Variants in SLC35F3 observed in about 807,000 individuals in gnomAD.
SLC35F3 encodes solute carrier family 35 member F3.
Under a neutral mutation model 49.9 loss-of-function variants are expected in SLC35F3, and 25 were observed. The ratio of observed to expected loss-of-function variants is 0.50; its 90% CI spans 0.37 to 0.70. The LOEUF (loss-of-function observed/expected upper bound fraction) is 0.70. Ranked by LOEUF, SLC35F3 falls within the 30% of genes least tolerant of loss-of-function variation. The pLI, the probability that SLC35F3 is intolerant of heterozygous loss-of-function variation, is 0.00. For synonymous variants in SLC35F3, 275 were observed against 265.4 expected, an observed-to-expected ratio of 1.04 and a Z score of -0.35; for missense variants, 525 against 639.8, an observed-to-expected ratio of 0.82 and a Z score of 1.94.
At chr1:233,930,095 G>C (rs1662218337) in intron 2 of SLC35F3, among the ~76,000 whole-genome samples, 1 of 151,812 alleles carries the variant, frequency 6.6e-6, no homozygotes, top group East Asian at 1.9e-4. Flanking sequence ...GCCATGATGA[G>C]CTATGATTCT....
intron 2 of SLC35F3, among the ~76,000 whole-genome samples, chr1:234,068,255 G>A (rs1664650194): frequency 6.6e-6 from 1 of 152,154 alleles, no homozygotes; most frequent in Non-Finnish European, 1.5e-5. Flanking sequence ...AAAATTCCAC[G>A]CACCTCAAAC....
chr1:234,194,845 A>G (rs771286537), intron 2 of SLC35F3, among the ~76,000 whole-genome samples: 3 of 151,764 alleles, frequency 2.0e-5, no homozygotes, highest in Non-Finnish European at 2.9e-5. Flanking sequence ...TTTTTAACCC[A>G]TGTTCCTGTT....
At chr1:234,128,262 GT>G (rs11303008) in intron 2 of SLC35F3, among the ~76,000 whole-genome samples, 68,678 of 151,940 alleles carry the variant, frequency 0.45, 16,928 homozygotes, top group Non-Finnish European at 0.56. Context: ...GCTTCCAGCT[GT>G]TTGATGCATG....
intron 2 of SLC35F3, chr1:234,026,908 CAA>C (rs1186743001): frequency 6.6e-6 from 1 of 152,298 alleles, no homozygotes; most frequent in Non-Finnish European, 1.5e-5. Flanking sequence ...ACAAGGATGA[CAA>C]AAGTGTTTGG....
intron 2 of SLC35F3, among the ~76,000 whole-genome samples, chr1:233,978,176 A>G (rs1572005888): frequency 6.6e-6 from 1 of 152,254 alleles, no homozygotes; most frequent in Admixed American, 6.5e-5. Flanking sequence ...GGAAAAAAAA[A>G]GGTAGTAAAG....
chr1:234,063,150 C>G (rs568751338), intron 2 of SLC35F3, among the ~76,000 whole-genome samples: 1 of 152,182 alleles, frequency 6.6e-6, no homozygotes, highest in African/African-American at 2.4e-5. Flanking sequence ...TGTTCCCGGA[C>G]CAAATTGAGG....
intron 2 of SLC35F3, among the ~76,000 whole-genome samples, chr1:233,907,865 A>T (rs1397349010): frequency 6.6e-6 from 1 of 152,156 alleles, no homozygotes; most frequent in Non-Finnish European, 1.5e-5. Flanking sequence ...AGCTGGGATT[A>T]CAGGCGTGCG....
At chr1:234,203,509 G>A (rs527849859) in intron 2 of SLC35F3, among the ~76,000 whole-genome samples, 110 of 152,230 alleles carry the variant, frequency 7.2e-4, no homozygotes, top group African/African-American at 2.5e-3. Context: ...TCAGGAGTTC[G>A]AGACCAGCCT....
chr1:233,998,441 A>T (rs12061283), intron 2 of SLC35F3, among the ~76,000 whole-genome samples: 1 of 151,706 alleles, frequency 6.6e-6, no homozygotes, highest in African/African-American at 2.4e-5. Flanking sequence ...GTATTATACC[A>T]GATACAGAAT....
chr1:234,032,305 T>C (rs1344957626), intron 2 of SLC35F3, among the ~76,000 whole-genome samples: 1 of 152,186 alleles, frequency 6.6e-6, no homozygotes, highest in Admixed American at 6.5e-5. Context: ...GGTAAATTAT[T>C]ATTGCTATTC....
At chr1:233,939,322 G>A (rs1463205824) in intron 2 of SLC35F3, among the ~76,000 whole-genome samples, 1 of 152,096 alleles carries the variant, frequency 6.6e-6, no homozygotes, top group Non-Finnish European at 1.5e-5. Flanking sequence ...GGGTATGGAA[G>A]CATGTGCCTG....
At chr1:234,010,427 T>C (rs569062934) in intron 2 of SLC35F3, among the ~76,000 whole-genome samples, 1 of 152,026 alleles carries the variant, frequency 6.6e-6, no homozygotes, top group South Asian at 2.1e-4. Flanking sequence ...AGAGAAAAAA[T>C]GAAGCAAAGT....
intron 2 of SLC35F3, among the ~76,000 whole-genome samples, chr1:234,013,132 A>T (rs1176801345): frequency 6.6e-6 from 1 of 152,266 alleles, no homozygotes; most frequent in African/African-American, 2.4e-5. Flanking sequence ...TGTATCAGAT[A>T]TCTTTTCTGA....
At chr1:233,984,342 T>G (rs1663233179) in intron 2 of SLC35F3, among the ~76,000 whole-genome samples, 1 of 152,212 alleles carries the variant, frequency 6.6e-6, no homozygotes, top group Non-Finnish European at 1.5e-5. Flanking sequence ...CACCGAGGTT[T>G]GCAGCAGTAG....
chr1:233,923,158 A>G (rs1323799200), intron 2 of SLC35F3, among the ~76,000 whole-genome samples: 1 of 152,160 alleles, frequency 6.6e-6, no homozygotes, highest in East Asian at 1.9e-4. Flanking sequence ...TATGAACTTT[A>G]AAGTAGTTTT....
At chr1:234,225,320 C>T (rs1667270178) in intron 2 of SLC35F3, among the ~76,000 whole-genome samples, 3 of 149,784 alleles carry the variant, frequency 2.0e-5, no homozygotes, top group Non-Finnish European at 4.4e-5. Flanking sequence ...TGGCCATAAA[C>T]AAAAGCTTTC....
intron 3 of SLC35F3, among the ~76,000 whole-genome samples, chr1:234,296,772 G>A (rs762295606): frequency 5.3e-5 from 8 of 152,196 alleles, no homozygotes; most frequent in Non-Finnish European, 8.8e-5. Context: ...CTGTGGAGGA[G>A]GCTGTAAAAC....
At chr1:234,161,533 G>A (rs535478812) in intron 2 of SLC35F3, among the ~76,000 whole-genome samples, 5 of 152,234 alleles carry the variant, frequency 3.3e-5, no homozygotes, top group Non-Finnish European at 7.4e-5. Flanking sequence ...GGCCAAGGCA[G>A]GCAGATCACT....
chr1:234,079,260 C>T (rs564929233), intron 2 of SLC35F3, among the ~76,000 whole-genome samples: 1 of 152,212 alleles, frequency 6.6e-6, no homozygotes, highest in Non-Finnish European at 1.5e-5. Context: ...GGACATGAGT[C>T]TATTTTTTTT....
Sources: allele counts gnomAD v4.1 joint callset (sites outside exome capture counted in the v4.1 genomes callset), GRCh38; gene constraint gnomAD v4.1.1; transcripts MANE v1.5; gene names NCBI Gene and HGNC (gene_info 2026-07-23, HGNC 2026-07-21).